SLC27A3: variants seen among roughly 807,000 people sequenced by gnomAD.
SLC27A3 encodes the protein long-chain fatty acid transport protein 3.
SLC27A3 carries 60 observed loss-of-function variants against 60.1 expected under a neutral mutation model. The ratio of observed to expected loss-of-function variants is 1.00; its 90% CI spans 0.81 to 1.24. SLC27A3 has a LOEUF of 1.24. Ranked by LOEUF, SLC27A3 falls within the 50% of genes most tolerant of loss-of-function variation. The pLI, the probability that SLC27A3 is intolerant of heterozygous loss-of-function variation, is 0.00. For missense variants in SLC27A3, 1,079 were observed against 929.9 expected, an observed-to-expected ratio of 1.16 and a Z score of -2.09; for synonymous variants, 455 against 409.0, an observed-to-expected ratio of 1.11 and a Z score of -1.36.
chr1:153,776,586 G>C lies in SLC27A3; in HGVS notation c.736G>C (p.Gly246Arg), dbSNP rs35212289. The change falls in exon 2 of 10, where the codon GGC becomes CGC. Residue 246 changes from glycine (G) to arginine (R), a missense_variant. By Grantham distance (125) the Gly-to-Arg change is moderately radical. Transcript: ENST00000624995. ...RAMGLHLWAA[G>R]PGTHPAGISD... ...CATGGGGCTCCACCTGTGGGCTGCA[G>C]GCCCAGGAACCCACCCTGCTGGAAT... The C allele has an allele frequency of 2.7e-4, 438 of 1,614,192 alleles. 3 individuals carry two copies. In the African/African-American group the frequency reaches 5.2e-3, roughly 19 times the overall value.
At position 153,779,231 on chromosome 1, in the gene SLC27A3, G is replaced by T. The variant is rs551566636; in HGVS notation, c.1744+20G>T. On this transcript the variant is annotated intron_variant, in intron 8 of 9. Coordinates refer to ENST00000624995, the MANE Select transcript of SLC27A3 (RefSeq NM_024330.4). ...TGCCAGGTGCCTAGGCATGGAAGGTGGGGGAGGCACCCAGCCACCACCCCG... is the reference window on the plus strand; with the variant it reads ...TGCCAGGTGCCTAGGCATGGAAGGTTGGGGAGGCACCCAGCCACCACCCCG... The T allele has an allele frequency of 6.2e-7, 1 of 1,613,534 alleles. No homozygotes were observed. Among genetic ancestry groups the T allele is most frequent in the South Asian group, 1.1e-5 (1 of 91,072 alleles).
At chr1:153,778,025 C>T (rs1673321547) in intron 4 of SLC27A3, 136 bp from the exon 5 acceptor site, 3 of 1,472,990 alleles carry the variant, frequency 2.0e-6, no homozygotes, top group East Asian at 2.3e-5. Context: ...CCAGAGATGG[C>T]CTAGGCCATC....
chr1:153,776,507 C>T lies in SLC27A3; in HGVS notation c.668-11C>T. On this transcript the variant is annotated splice_polypyrimidine_tract_variant and intron_variant, in intron 1 of 9. Coordinates refer to ENST00000624995, the MANE Select transcript of SLC27A3 (RefSeq NM_024330.4). ...CCAGGGCCCCGGCGTTGTGCTTTCC[C>T]ACCCTTCTAGAGTTTCTGGAGTCCC... 6.2e-7 allele frequency: 1 copy of T among 1,610,846 alleles called. No individual in the cohort carries two copies. Among genetic ancestry groups the T allele is most frequent in the Non-Finnish European group, 8.5e-7 (1 of 1,178,656 alleles).
In SLC27A3 at chr1:153,775,489, G is replaced by A. The variant is rs546571199; in HGVS notation, c.-9G>A. The A allele has an allele frequency of 6.2e-7, 1 of 1,613,286 alleles. No individual in the cohort carries two copies. Among genetic ancestry groups the A allele is most frequent in the East Asian group, 2.2e-5 (1 of 44,890 alleles). On this transcript the variant is annotated 5_prime_UTR_variant, in exon 1 of 10. Coordinates refer to ENST00000624995, the MANE Select transcript of SLC27A3 (RefSeq NM_024330.4). Reference sequence around the variant, plus strand: ...GAACCAGACGGTGCCGATAGAGGAAGCGGGCTCCATGGCTGCCCTCCTGCT... The same window carrying A: ...GAACCAGACGGTGCCGATAGAGGAAACGGGCTCCATGGCTGCCCTCCTGCT...
chr1:153,779,589 A>G (rs12067325), intron 9 of SLC27A3, 116 bp downstream of exon 9: 228,481 of 1,219,008 alleles, frequency 0.19, 23,473 homozygotes, highest in East Asian at 0.42. Flanking sequence ...GGGACCCCCA[A>G]CGTAATACAC....
intron 3 of SLC27A3, chr1:153,777,493 GGA>G (rs972565294): frequency 6.0e-5 from 37 of 614,844 alleles, no homozygotes; most frequent in Admixed American, 1.2e-4. Context: ...AAGAGAAGAG[GGA>G]GAGAGAGACA....
At chr1:153,777,713 C>T (rs1673299862) in intron 3 of SLC27A3, 48 bp from the exon 4 acceptor site, 2 of 1,607,420 alleles carry the variant, frequency 1.2e-6, no homozygotes, top group East Asian at 4.5e-5. Flanking sequence ...GCTCCCCACT[C>T]TGCTCCTAAT....
intron 9 of SLC27A3, 176 bp from the exon 10 acceptor site, chr1:153,779,650 C>T (rs1673437608): frequency 1.1e-6 from 1 of 928,744 alleles, no homozygotes; most frequent in Non-Finnish European, 1.6e-6. Flanking sequence ...CCACTTCTTT[C>T]CTTATCCCTG....
Position 153,775,780 on chromosome 1 carries a change from G to T in SLC27A3, c.283G>T (p.Glu95Ter). Residue 95 changes from glutamate to a stop codon, truncating the protein, a stop_gained, in exon 1 of 10, where the codon GAG becomes TAG. Transcript: ENST00000624995. LOFTEE classifies it high-confidence loss of function. Reference protein sequence around the residue: ...IHGSRRFSYSEAERESNRAAR... With the variant: ...IHGSRRFSYS ...CGGCTCGCGGCGCTTTAGCTACTCA[G>T]AGGCGGAGCGCGAGAGTAACAGGGC... 2.0e-6 allele frequency: 3 copies of T among 1,505,906 alleles called. No homozygotes were observed. The South Asian group carries it at 4.0e-5, about 20-fold the overall frequency. The allele number at this position is 1,505,906 out of a possible 1,614,324, so 93.3% of individuals were successfully genotyped here.
At position 153,780,041 on chromosome 1, in the gene SLC27A3, T is replaced by TG; in HGVS notation, c.*43dup. 2 of 1,573,316 alleles carry TG rather than the reference T, an allele frequency of 1.3e-6. No homozygotes were observed. Among genetic ancestry groups the TG allele is most frequent in the Non-Finnish European group, 1.7e-6 (2 of 1,155,890 alleles). ...TGAGGCACCTGAGAGAGGAACTCTG[T>TG]GGGGTGGGGGCCGTTGCAGGTGTAC... On this transcript the variant is annotated 3_prime_UTR_variant, in exon 10 of 10. Transcript: ENST00000624995.
Position 153,776,574 on chromosome 1 carries a change from C to T in SLC27A3, c.724C>T (p.Leu242=). Residue 242 remains leucine (L), a synonymous_variant, in exon 2 of 10, where the codon CTG becomes TTG. Coordinates refer to ENST00000624995, the MANE Select transcript of SLC27A3 (RefSeq NM_024330.4). Reference sequence around the variant, plus strand: ...CGCCCTGAGAGCCATGGGGCTCCACCTGTGGGCTGCAGGCCCAGGAACCCA... The same window carrying T: ...CGCCCTGAGAGCCATGGGGCTCCACTTGTGGGCTGCAGGCCCAGGAACCCA... ...LPALRAMGLH[L]WAAGPGTHPA... is the part of the protein sequence containing the mutation. 1.2e-6 allele frequency: 2 copies of T among 1,614,222 alleles called. No individual in the cohort carries two copies. The highest frequency in any genetic ancestry group is 1.7e-6 in the Non-Finnish European group (2 of 1,180,036).
At position 153,778,833 on chromosome 1, in the gene SLC27A3, T is replaced by C. The variant is rs1673377236; in HGVS notation, c.1594T>C (p.Cys532Arg). 1 of 1,614,076 alleles carries C rather than the reference T, an allele frequency of 6.2e-7. No individual in the cohort carries two copies. The highest frequency in any genetic ancestry group is 1.3e-5 in the African/African-American group (1 of 74,924). Residue 532 changes from cysteine (C) to arginine (R), a missense_variant, in exon 7 of 10, where the codon TGC becomes CGC. Cys to Arg is a radical substitution (Grantham distance 180). Coordinates refer to ENST00000624995, the MANE Select transcript of SLC27A3 (RefSeq NM_024330.4). ...CTTCAACACTGGGGACCTGCTGGTC[T>C]GCGATGACCAAGGTTTTCTCCGCTT... ...VFFNTGDLLV[C>R]DDQGFLRFHD... is the part of the protein sequence containing the mutation.
chr1:153,777,558 G>A (rs1673292642), intron 3 of SLC27A3: 2 of 669,266 alleles, frequency 3.0e-6, no homozygotes, highest in East Asian at 2.6e-5. Flanking sequence ...GTAGGGAAAG[G>A]GCATTCACCT....
In SLC27A3 at chr1:153,777,130, G is replaced by GGAAGCCAGGGCTTCTATCAGCT. The variant is rs1395917139; in HGVS notation, c.947_948insAAGCCAGGGCTTCTATCAGCTG (p.Val317SerfsTer86). 1 of 1,614,236 alleles carries GGAAGCCAGGGCTTCTATCAGCT rather than the reference G, an allele frequency of 6.2e-7. No individual in the cohort carries two copies. The highest frequency in any genetic ancestry group is 2.2e-5 in the East Asian group (1 of 44,890). On this transcript the variant is annotated frameshift_variant, in exon 3 of 10. Transcript: ENST00000624995. LOFTEE classifies it high-confidence loss of function. ...ATGCCAGGGCTTCTATCAGCTGTGT[G>GGAAGCCAGGGCTTCTATCAGCT]GTGTCCACCAGGAAGATGTGATCTA...
rs1558021305 is a variant in SLC27A3, at chr1:153,777,891, TG to T, written c.1161+9del. 6.2e-7 allele frequency: 1 copy of T among 1,614,142 alleles called. No individual in the cohort carries two copies. Among genetic ancestry groups the T allele is most frequent in the Non-Finnish European group, 8.5e-7 (1 of 1,179,990 alleles). Reference sequence around the variant, plus strand: ...ACCTTGTCAACCAGCCCCCGGTGCGTGGGCACAGATCCTGGGCAGAGCTGCT... The same window carrying T: ...ACCTTGTCAACCAGCCCCCGGTGCGTGGCACAGATCCTGGGCAGAGCTGCT... On this transcript the variant is annotated splice_region_variant and intron_variant, in intron 4 of 9. Coordinates refer to ENST00000624995, the MANE Select transcript of SLC27A3 (RefSeq NM_024330.4).
chr1:153,775,743 CT>C lies in SLC27A3; in HGVS notation c.249del (p.Leu84SerfsTer28). On this transcript the variant is annotated frameshift_variant, in exon 1 of 10. Transcript: ENST00000624995. LOFTEE classifies it high-confidence loss of function. ...ELAQQRAAHTFLIHGSRRFSY... is the reference protein window; with the variant it reads ...ELAQQRAAHTXLIHGSRRFSY... ...TGGCCCAGCAGCGCGCCGCGCACAC[CT>C]TTCTCATTCACGGCTCGCGGCGCTT... is the stretch of plus-strand genomic sequence containing the variant. The C allele has an allele frequency of 6.6e-7, 1 of 1,514,410 alleles. No homozygotes were observed. 93.8% of individuals were successfully genotyped at this position (1,514,410 alleles called of 1,614,324 possible). A position where few individuals can be genotyped will look rare whatever the true frequency, so the allele number is the denominator to read the frequency against.
rs182081931 is a variant in SLC27A3 at position 153,778,239 on chromosome 1, C to T, written c.1240C>T (p.Arg414Trp). The T allele has an allele frequency of 7.2e-5, 116 of 1,613,830 alleles. No individual in the cohort carries two copies. In the Middle Eastern group the frequency reaches 9.9e-4, roughly 14 times the overall value. Residue 414 changes from arginine to tryptophan, a missense_variant, in exon 5 of 10, where the codon CGG becomes TGG. Physicochemically the swap from Arg to Trp is moderately radical, Grantham distance 101. Transcript: ENST00000624995. ...CCCAGATACCTGGGAGCGTTTTGTG[C>T]GGCGCTTCGGGCCCCTGCAGGTGCT... ...LRPDTWERFV[R>W]RFGPLQVLET...
Position 153,777,716 on chromosome 1 carries a change from C to A in SLC27A3, c.1037-45C>A, listed in dbSNP as rs186676193. On this transcript the variant is annotated intron_variant, in intron 3 of 9. Coordinates refer to ENST00000624995, the MANE Select transcript of SLC27A3 (RefSeq NM_024330.4). ...AGAGGGGCTTGGGCTCCCCACTCTG[C>A]TCCTAATCTTACCTCCCTTCTTCCC... 5.7e-3 allele frequency: 9,212 copies of A among 1,605,966 alleles called. 32 individuals carry two copies. The highest frequency in any genetic ancestry group is 7.1e-3 in the Non-Finnish European group (8,367 of 1,176,186).
Position 153,775,799 on chromosome 1 carries a change from A to G in SLC27A3, c.302A>G (p.Asn101Ser). The change falls in exon 1 of 10, where the codon AAC becomes AGC. Residue 101 changes from asparagine to serine, a missense_variant. Physicochemically the swap from Asn to Ser is conservative, Grantham distance 46. Transcript: ENST00000624995. ...TACTCAGAGGCGGAGCGCGAGAGTA[A>G]CAGGGCTGCACGCGCCTTCCTACGT... ...FSYSEAERES[N>S]RAARAFLRAL... is the part of the protein sequence containing the mutation. 3 of 1,497,074 alleles carry G rather than the reference A, an allele frequency of 2.0e-6. No individual in the cohort carries two copies. Among genetic ancestry groups the G allele is most frequent in the South Asian group, 2.7e-5 (2 of 74,348 alleles). The allele number at this position is 1,497,074 out of a possible 1,614,324, so 92.7% of individuals were successfully genotyped here.
Sources: gnomAD v4.1 joint callset for allele counts on GRCh38, gnomAD v4.1.1 for gene constraint, MANE v1.5 for transcripts, NCBI Gene and HGNC (gene_info 2026-07-23, HGNC 2026-07-21) for gene names.